The following SPIDR variants were observed in gnomAD, a reference collection of about 807,000 sequenced individuals.
SPIDR encodes the protein scaffold protein involved in DNA repair, also known as DNA repair-scaffolding protein.
In SPIDR, 93 loss-of-function variants were observed where a neutral mutation model predicts 104.6. The observed-to-expected ratio is 0.89, with a 90% CI of 0.75 to 1.06. SPIDR has a LOEUF of 1.06. Among genes scored for constraint, SPIDR ranks in the 50% least tolerant of loss-of-function variants. The pLI, the probability that SPIDR is intolerant of heterozygous loss-of-function variation, is 0.00. For synonymous variants in SPIDR, 431 were observed against 416.9 expected (o/e 1.03, Z -0.41); for missense variants, 1,154 against 1,111.2 (o/e 1.04, Z -0.55).
At chr8:47,692,193 AT>A (rs1230839732) in intron 11 of SPIDR, among the ~76,000 whole-genome samples, 7 of 152,172 alleles carry the variant, frequency 4.6e-5, no homozygotes, top group African/African-American at 1.7e-4. Context: ...CATACTAAAA[AT>A]TTACCCTTTT....
chr8:47,487,598 G>C (rs1168686828), intron 8 of SPIDR, among the ~76,000 whole-genome samples: 2 of 152,118 alleles, frequency 1.3e-5, no homozygotes, highest in African/African-American at 2.4e-5. Flanking sequence ...TGACCACATA[G>C]TTGGAAGTAA....
intron 8 of SPIDR, among the ~76,000 whole-genome samples, chr8:47,534,821 C>T (rs183447451): frequency 6.0e-4 from 90 of 150,824 alleles, no homozygotes; most frequent in African/African-American, 1.8e-3. Flanking sequence ...TTAATGAAAT[C>T]GAAAACAGGA....
At chr8:47,642,628 CTG>C (rs1217050642) in intron 10 of SPIDR, among the ~76,000 whole-genome samples, 4 of 152,136 alleles carry the variant, frequency 2.6e-5, no homozygotes, top group Admixed American at 2.6e-4. Context: ...TGAAAAGCAA[CTG>C]TGGACTGGCC....
chr8:47,689,349 G>T (rs1320491176), intron 11 of SPIDR, among the ~76,000 whole-genome samples: 1 of 152,222 alleles, frequency 6.6e-6, no homozygotes, highest in African/African-American at 2.4e-5. Context: ...CAGGTAAAAT[G>T]AGATTAACTT....
intron 8 of SPIDR, chr8:47,592,582 GATGAT>G: frequency 7.9e-7 from 1 of 1,268,798 alleles, no homozygotes; most frequent in East Asian, 2.3e-5. Flanking sequence ...GGGTTTCCTT[GATGAT>G]CCTGCGGGGC....
chr8:47,265,114 A>T (rs540495502), intron 1 of SPIDR, among the ~76,000 whole-genome samples: 1 of 150,758 alleles, frequency 6.6e-6, no homozygotes, highest in African/African-American at 2.4e-5. Context: ...TAAGGCCTTG[A>T]TAGTCTCATT....
intron 10 of SPIDR, among the ~76,000 whole-genome samples, chr8:47,608,348 A>T (rs2063216383): frequency 6.6e-6 from 1 of 152,190 alleles, no homozygotes; most frequent in African/African-American, 2.4e-5. Flanking sequence ...TTTTGAGTTG[A>T]TGCACATCTG....
Position 47,512,608 on chromosome 8 carries a change from A to G in SPIDR, c.1097+72066A>G, listed in dbSNP as rs140135497. ...CTGGAGCTTCCCGACAGCCCTGACCACGGAGAGGTGGAATGTGGCGCTGAC... is the reference window on the plus strand; with the variant it reads ...CTGGAGCTTCCCGACAGCCCTGACCGCGGAGAGGTGGAATGTGGCGCTGAC... On this transcript the variant is annotated intron_variant, in intron 8 of 19. Coordinates refer to ENST00000297423, the MANE Select transcript of SPIDR (RefSeq NM_001080394.4). 2.6e-4 allele frequency among the ~76,000 whole-genome samples: 40 copies of G among 152,262 alleles called. No homozygotes were observed. The East Asian group carries it at 7.5e-3, about 29-fold the overall frequency.
At chr8:47,437,618 G>C (rs951927385) in intron 7 of SPIDR, among the ~76,000 whole-genome samples, 2 of 151,960 alleles carry the variant, frequency 1.3e-5, no homozygotes, top group African/African-American at 4.8e-5. Flanking sequence ...CATTTATGCA[G>C]CCAAAAAACA....
chr8:47,316,145 G>A (rs1335296766), intron 5 of SPIDR, among the ~76,000 whole-genome samples: 1 of 152,134 alleles, frequency 6.6e-6, no homozygotes, highest in Non-Finnish European at 1.5e-5. Flanking sequence ...AGAAGGATTA[G>A]TACACACACT....
intron 10 of SPIDR, among the ~76,000 whole-genome samples, chr8:47,658,372 T>G (rs1045015224): frequency 6.8e-6 from 1 of 148,072 alleles, no homozygotes; most frequent in Non-Finnish European, 1.5e-5. Context: ...GAGCCGAGAT[T>G]GCGCCATTGC....
At chr8:47,592,175 C>T (rs1292325344) in intron 8 of SPIDR, 18 of 1,396,466 alleles carry the variant, frequency 1.3e-5, no homozygotes, top group South Asian at 2.3e-5. Context: ...TAGCCTAGTT[C>T]ATGCTCTAGC....
At chr8:47,436,558 C>CA (rs1163509464) in intron 7 of SPIDR, among the ~76,000 whole-genome samples, 1 of 151,996 alleles carries the variant, frequency 6.6e-6, no homozygotes, top group South Asian at 2.1e-4. Context: ...CCTGTCTCTA[C>CA]AAAAAAATAA....
intron 7 of SPIDR, among the ~76,000 whole-genome samples, chr8:47,411,972 C>T (rs1003577141): frequency 4.6e-5 from 7 of 152,062 alleles, no homozygotes; most frequent in Admixed American, 6.6e-5. Flanking sequence ...TGTAGATATG[C>T]AGCATTATTT....
chr8:47,445,446 A>G (rs2070389932), intron 8 of SPIDR, among the ~76,000 whole-genome samples: 1 of 152,128 alleles, frequency 6.6e-6, no homozygotes, highest in African/African-American at 2.4e-5. Context: ...CCCCCATCTT[A>G]CTTTCTCTCC....
At chr8:47,718,908 T>C (rs904901234) in intron 16 of SPIDR, among the ~76,000 whole-genome samples, 4 of 152,010 alleles carry the variant, frequency 2.6e-5, no homozygotes, top group African/African-American at 4.8e-5. Flanking sequence ...CATTAGCTAT[T>C]CTTGATGCTC....
chr8:47,636,968 G>A (rs1421053898), intron 10 of SPIDR, among the ~76,000 whole-genome samples: 1 of 151,918 alleles, frequency 6.6e-6, no homozygotes, highest in African/African-American at 2.4e-5. Context: ...TGGCAGGAGG[G>A]TGAGGGGTCC....
intron 5 of SPIDR, among the ~76,000 whole-genome samples, chr8:47,322,121 T>C (rs151265507): frequency 0.013 from 2,052 of 152,276 alleles, 56 homozygotes; most frequent in African/African-American, 0.046. Flanking sequence ...AAAGAGCTTC[T>C]GCACAGCAAA....
intron 6 of SPIDR, among the ~76,000 whole-genome samples, chr8:47,397,877 G>A (rs1385130596): frequency 6.6e-6 from 1 of 152,138 alleles, no homozygotes; most frequent in Admixed American, 6.5e-5. Context: ...GAAAACAGTG[G>A]GGGTCCGAAT....
Sources: allele counts gnomAD v4.1 joint callset (sites outside exome capture counted in the v4.1 genomes callset), GRCh38; gene constraint gnomAD v4.1.1; transcripts MANE v1.5; gene names NCBI Gene and HGNC (gene_info 2026-07-23, HGNC 2026-07-21).